The following HSF2 variants were observed in gnomAD, a reference collection of about 807,000 sequenced individuals.
HSF2 encodes the protein heat shock transcription factor 2, also known as heat shock factor protein 2.
HSF2 carries 21 observed loss-of-function variants against 65.0 expected under a neutral mutation model. The ratio of observed to expected loss-of-function variants is 0.32; its 90% CI spans 0.23 to 0.47. HSF2 has a LOEUF of 0.47. HSF2 is among the 20% of genes least tolerant of loss of function. The pLI is 1.00. For missense variants in HSF2, 499 were observed against 628.1 expected (o/e 0.79, Z 2.20); for synonymous variants, 225 against 219.1 (o/e 1.03, Z -0.24).
At position 122,423,564 on chromosome 6, in the gene HSF2, A is replaced by AT; in HGVS notation, c.1071-17_1071-16insT. 1 of 1,464,784 alleles carries AT rather than the reference A, an allele frequency of 6.8e-7. No homozygotes were observed. Among genetic ancestry groups the AT allele is most frequent in the African/African-American group, 1.4e-5 (1 of 70,398 alleles). The allele number at this position is 1,464,784 out of a possible 1,614,324, so 90.7% of individuals were successfully genotyped here. ...AGGATATCTAATATTTGATTAAAAA[A>AT]ATTTTTTTTTCCTTAGGGTTGAGCT... On this transcript the variant is annotated splice_polypyrimidine_tract_variant and intron_variant, in intron 9 of 12. Transcript: ENST00000368455.
chr6:122,411,308 T>G (rs922757484), intron 1 of HSF2, among the ~76,000 whole-genome samples: 4 of 151,564 alleles, frequency 2.6e-5, no homozygotes, highest in African/African-American at 4.8e-5. Flanking sequence ...GTTGTTTGGG[T>G]TTTTTTTGTC....
chr6:122,420,227 T>C lies in HSF2; in HGVS notation c.681+5T>C, dbSNP rs149576301. The C allele has an allele frequency of 6.3e-7, 1 of 1,582,618 alleles. No homozygotes were observed. Among genetic ancestry groups the C allele is most frequent in the East Asian group, 2.3e-5 (1 of 44,378 alleles). On this transcript the variant is annotated splice_donor_5th_base_variant and intron_variant, in intron 7 of 12. Transcript: ENST00000368455. Reference sequence around the variant, plus strand: ...ACTGATAATCATCATCATAAAGTAATTTTTTAGTTAGGGTCTATTTTATAT... The same window carrying C: ...ACTGATAATCATCATCATAAAGTAACTTTTTAGTTAGGGTCTATTTTATAT...
At chr6:122,417,258 T>C (rs1774147230) in intron 5 of HSF2, among the ~76,000 whole-genome samples, 1 of 152,154 alleles carries the variant, frequency 6.6e-6, no homozygotes, top group African/African-American at 2.4e-5. Context: ...GCAACTCTAA[T>C]GTGCAGCCTG....
intron 7 of HSF2, among the ~76,000 whole-genome samples, chr6:122,420,700 CTTTTTT>C (rs59305295): frequency 1.3e-3 from 36 of 28,584 alleles, no homozygotes; most frequent in East Asian, 0.01. Flanking sequence ...TTATTCATTT[CTTTTTT>C]TTTTTTTTTT....
Position 122,422,916 on chromosome 6 carries a change from G to C in HSF2, c.1029G>C (p.Met343Ile). The change falls in exon 9 of 13, where the codon ATG becomes ATC. Residue 343 changes from methionine to isoleucine, a missense_variant. This residue lies in a region of HSF2 where 349 missense variants were observed against 393.5 expected (regional missense o/e 0.89). Coordinates refer to ENST00000368455, the MANE Select transcript of HSF2 (RefSeq NM_004506.4). ...TGACCTCAGAAGATCCAGTGACCAT[G>C]ATGGATTCCATTTTGAATGATAACA... ...SSLTSEDPVT[M>I]MDSILNDNIN... is the part of the protein sequence containing the mutation. The C allele has an allele frequency of 6.2e-7, 1 of 1,613,478 alleles. No individual in the cohort carries two copies. The highest frequency in any genetic ancestry group is 2.2e-5 in the East Asian group (1 of 44,870).
chr6:122,418,947 G>GC (rs1221401969), intron 5 of HSF2, among the ~76,000 whole-genome samples: 2 of 152,094 alleles, frequency 1.3e-5, no homozygotes, highest in Non-Finnish European at 2.9e-5. Context: ...CTATAGCCAG[G>GC]CAAGTTTGGT....
rs45440498 is a variant in HSF2 at position 122,427,787 on chromosome 6, A to G, written c.1177-116A>G. 1.1e-3 allele frequency: 632 copies of G among 587,688 alleles called. 2 individuals are homozygous for G. The highest frequency in any genetic ancestry group is 0.011 in the African/African-American group (547 of 51,804). 36.4% of individuals were successfully genotyped at this position (587,688 alleles called of 1,614,324 possible). A position where few individuals can be genotyped will look rare whatever the true frequency, so the allele number is the denominator to read the frequency against. On this transcript the variant is annotated intron_variant, in intron 10 of 12. Coordinates refer to ENST00000368455, the MANE Select transcript of HSF2 (RefSeq NM_004506.4). ...TTTCAAACTTGTTTAACTGTATAGA[A>G]GCTTCCTAGTGCAGGGGCTACATCT...
At chr6:122,420,283 A>C (rs1197182146) in intron 7 of HSF2, 61 bp downstream of exon 7, 1 of 1,320,364 alleles carries the variant, frequency 7.6e-7, no homozygotes, top group Admixed American at 2.0e-5. Flanking sequence ...TTATTATGGC[A>C]GTGTTTCATG....
intron 11 of HSF2, among the ~76,000 whole-genome samples, chr6:122,428,388 T>C (rs1378713838): frequency 6.6e-6 from 1 of 152,026 alleles, no homozygotes; most frequent in Non-Finnish European, 1.5e-5. Flanking sequence ...TCTTATTTAT[T>C]GCAGAAAAGG....
chr6:122,415,189 A>G (rs187563665), intron 4 of HSF2, among the ~76,000 whole-genome samples: 23 of 152,340 alleles, frequency 1.5e-4, no homozygotes, highest in African/African-American at 5.5e-4. Context: ...AACGAAGAAG[A>G]AGCTATTCAT....
chr6:122,399,882 C>T lies in HSF2; in HGVS notation c.93+52C>T, dbSNP rs377462995. The T allele has an allele frequency of 2.6e-5, 34 of 1,329,710 alleles. No individual in the cohort carries two copies. In the African/African-American group the frequency reaches 4.9e-4, roughly 19 times the overall value. The allele number at this position is 1,329,710 out of a possible 1,614,324, so 82.4% of individuals were successfully genotyped here. ...AACCCCCTGAATAACCGCCTCCTCACTCGCTCTCCTGCGGGGTGGTCTCTC... is the reference window on the plus strand; with the variant it reads ...AACCCCCTGAATAACCGCCTCCTCATTCGCTCTCCTGCGGGGTGGTCTCTC... On this transcript the variant is annotated intron_variant, in intron 1 of 12. Coordinates refer to ENST00000368455, the MANE Select transcript of HSF2 (RefSeq NM_004506.4).
At chr6:122,423,436 C>G (rs1774278369) in intron 9 of HSF2, 145 bp from the exon 10 acceptor site, 2 of 488,884 alleles carry the variant, frequency 4.1e-6, no homozygotes, top group Non-Finnish European at 7.2e-6. Flanking sequence ...AATTCCTACT[C>G]TAGAATAAGA....
At chr6:122,424,094 T>G (rs1774293021) in intron 10 of HSF2, among the ~76,000 whole-genome samples, 1 of 152,166 alleles carries the variant, frequency 6.6e-6, no homozygotes, top group African/African-American at 2.4e-5. Context: ...TTAACATTTT[T>G]TACTCAAATA....
At chr6:122,426,533 A>G (rs1774341969) in intron 10 of HSF2, among the ~76,000 whole-genome samples, 1 of 152,062 alleles carries the variant, frequency 6.6e-6, no homozygotes, top group African/African-American at 2.4e-5. Context: ...GATAAGCTAA[A>G]CTGGCAGAGA....
chr6:122,432,465 G>T lies in HSF2; in HGVS notation c.*245G>T. On this transcript the variant is annotated 3_prime_UTR_variant, in exon 13 of 13. Transcript: ENST00000368455. ...GCGTATCTTTAAGTTGGATTCAAAT[G>T]GCCATTTTTCTCCAATTTTGGTAAA... 7 of 374,128 alleles carry T rather than the reference G, an allele frequency of 1.9e-5. No individual in the cohort carries two copies. Among genetic ancestry groups the T allele is most frequent in the East Asian group, 4.7e-5 (1 of 21,182 alleles). The allele number at this position is 374,128 out of a possible 1,614,324, so 23.2% of individuals were successfully genotyped here. A position where few individuals can be genotyped will look rare whatever the true frequency, so the allele number is the denominator to read the frequency against.
At position 122,412,909 on chromosome 6, in the gene HSF2, C is replaced by A. The variant is rs1023074140; in HGVS notation, c.330+145C>A. 5.4e-4 allele frequency: 423 copies of A among 786,298 alleles called. 4 individuals carry two copies. The East Asian group carries it at 0.012, about 22-fold the overall frequency. 48.7% of individuals were successfully genotyped at this position (786,298 alleles called of 1,614,324 possible). On this transcript the variant is annotated intron_variant, in intron 3 of 12. Transcript: ENST00000368455. ...GGATAATAAAGTTTTACTTGTTTCC[C>A]TGTATTTTTTTCCTAAGTTAGCTTA...
intron 4 of HSF2, among the ~76,000 whole-genome samples, chr6:122,415,313 CTT>C (rs1160733054): frequency 2.0e-5 from 3 of 152,100 alleles, no homozygotes; most frequent in African/African-American, 7.2e-5. Context: ...ATCTGACAGA[CTT>C]TAGTTTGATT....
chr6:122,429,400 A>G (rs1394975554), intron 11 of HSF2, among the ~76,000 whole-genome samples: 2 of 152,064 alleles, frequency 1.3e-5, no homozygotes, highest in African/African-American at 4.8e-5. Context: ...TGCTGTAGAA[A>G]AATTACATTT....
Position 122,422,932 on chromosome 6 carries a change from AATG to A in HSF2, c.1048_1050del (p.Asp350del), listed in dbSNP as rs1774269106. 6.2e-7 allele frequency: 1 copy of A among 1,613,416 alleles called. No homozygotes were observed. The highest frequency in any genetic ancestry group is 1.3e-5 in the African/African-American group (1 of 74,884). ...AGTGACCATGATGGATTCCATTTTG[AATG>A]ATAACATCAATCTTTTGGGAAAGTG... On this transcript the variant is annotated inframe_deletion, in exon 9 of 13. Coordinates refer to ENST00000368455, the MANE Select transcript of HSF2 (RefSeq NM_004506.4).
Sources: allele counts gnomAD v4.1 joint callset (sites outside exome capture counted in the v4.1 genomes callset), GRCh38; gene constraint gnomAD v4.1.1; regional missense constraint gnomAD v4.1.1; transcripts MANE v1.5; gene names NCBI Gene and HGNC (gene_info 2026-07-23, HGNC 2026-07-21).